MYH11: variants seen among roughly 807,000 people sequenced by gnomAD.
MYH11 encodes the protein myosin heavy chain 11.
A neutral mutation model predicts 246.6 loss-of-function variants in MYH11; 80 were observed. The ratio of observed to expected loss-of-function variants is 0.32; its 90% CI spans 0.27 to 0.39. MYH11 has a LOEUF of 0.39. Ranked by LOEUF, MYH11 falls within the 10% of genes least tolerant of loss-of-function variation. The pLI, the probability that MYH11 is intolerant of heterozygous loss-of-function variation, is 1.00. For synonymous variants in MYH11, 1,071 were observed against 1,015.5 expected (o/e 1.05, Z -1.04); for missense variants, 2,158 against 2,546.8 (o/e 0.85, Z 3.29).
intron 12 of MYH11, among the ~76,000 whole-genome samples, chr16:15,758,361 G>A (rs569559818): frequency 9.9e-5 from 15 of 152,152 alleles, no homozygotes; most frequent in African/African-American, 3.1e-4. Flanking sequence ...CACTTCTTTC[G>A]GGACATCTAT....
intron 14 of MYH11, among the ~76,000 whole-genome samples, chr16:15,755,932 A>G (rs1425302242): frequency 1.3e-5 from 2 of 152,126 alleles, no homozygotes; most frequent in Non-Finnish European, 2.9e-5. Flanking sequence ...ATTCCATCTC[A>G]AAAAGGAAAA....
intron 3 of MYH11, among the ~76,000 whole-genome samples, chr16:15,814,877 G>T (rs889330518): frequency 1.3e-5 from 2 of 152,164 alleles, no homozygotes; most frequent in South Asian, 2.1e-4. Flanking sequence ...TCTCCGTCCT[G>T]GGGGGACACC....
At chr16:15,763,742 C>CGCG in intron 10 of MYH11, 54 bp downstream of exon 10, 2 of 627,780 alleles carry the variant, frequency 3.2e-6, no homozygotes, top group East Asian at 3.3e-5. Context: ...AATGTCACCT[C>CGCG]CCCCACCCCC....
intron 38 of MYH11, among the ~76,000 whole-genome samples, chr16:15,716,835 AGCATGCT>A (rs1260512011): frequency 1.3e-5 from 2 of 152,198 alleles, no homozygotes; most frequent in Admixed American, 1.3e-4. Flanking sequence ...TTGATCTGTC[AGCATGCT>A]ATCCCTGCAG....
At chr16:15,776,416 T>C (rs989690965) in intron 7 of MYH11, among the ~76,000 whole-genome samples, 7 of 152,016 alleles carry the variant, frequency 4.6e-5, no homozygotes, top group Admixed American at 1.3e-4. Context: ...ATAAAAAGGC[T>C]CCAGGAAGAA....
intron 27 of MYH11, among the ~76,000 whole-genome samples, chr16:15,729,615 A>G (rs2040901320): frequency 6.6e-6 from 1 of 151,500 alleles, no homozygotes; most frequent in African/African-American, 2.4e-5. Context: ...CAGTGGCACA[A>G]TCTTGGCTCA....
At chr16:15,734,101 AGTTTGTTATT>A (rs2151238550) in intron 26 of MYH11, among the ~76,000 whole-genome samples, 1 of 152,382 alleles carries the variant, frequency 6.6e-6, no homozygotes, top group Admixed American at 6.5e-5. Context: ...TCTGGCAGGC[AGTTTGTTATT>A]GTTTGTTCAT....
chr16:15,754,232 ATAAAT>A (rs957166309), intron 14 of MYH11, among the ~76,000 whole-genome samples: 1 of 152,080 alleles, frequency 6.6e-6, no homozygotes, highest in Non-Finnish European at 1.5e-5. Context: ...AATTAAATAA[ATAAAT>A]TAATTAAGCA....
At position 15,823,297 on chromosome 16, in the gene MYH11, T is replaced by C; in HGVS notation, c.460A>G (p.Ile154Val). 1 of 1,614,154 alleles carries C rather than the reference T, an allele frequency of 6.2e-7. No homozygotes were observed. The highest frequency in any genetic ancestry group is 8.5e-7 in the Non-Finnish European group (1 of 1,180,030). Residue 154 changes from isoleucine (I) to valine (V), a missense_variant, in exon 3 of 41, where the codon ATC (isoleucine) becomes GTC (valine). Around this residue, in one of 11 missense-constraint regions of MYH11, gnomAD observed 123 missense variants for 207.1 expected, o/e 0.59. Coordinates refer to ENST00000300036, the MANE Select transcript of MYH11 (RefSeq NM_002474.3). ...TAGGCCGTGTCTGCGATGGCGTAGA[T>C]GTGAGGCGGCATCTCGTGCCTCTTC... ...GKKRHEMPPH[I>V]YAIADTAYRS...
At chr16:15,726,565 A>G (rs756077933) in intron 28 of MYH11, 49 of 516,894 alleles carry the variant, frequency 9.5e-5, no homozygotes, top group Non-Finnish European at 1.5e-4. Flanking sequence ...GAGACTTTTC[A>G]CCATGTTGGC....
At chr16:15,821,142 G>A (rs12931560) in intron 3 of MYH11, among the ~76,000 whole-genome samples, 13,067 of 152,246 alleles carry the variant, frequency 0.086, 657 homozygotes, top group Middle Eastern at 0.12. Context: ...AAAGTGCCAG[G>A]ATTACAGGCG....
At chr16:15,834,917 T>TG (rs1395886646) in intron 2 of MYH11, among the ~76,000 whole-genome samples, 30 of 150,422 alleles carry the variant, frequency 2.0e-4, no homozygotes, top group African/African-American at 6.6e-4. Flanking sequence ...AGAAGTTTTT[T>TG]TTTTTTTTTT....
At chr16:15,824,088 T>C (rs2043493570) in intron 2 of MYH11, among the ~76,000 whole-genome samples, 1 of 151,286 alleles carries the variant, frequency 6.6e-6, no homozygotes, top group South Asian at 2.1e-4. Flanking sequence ...GGATCTTTTT[T>C]GGATGCTGAC....
chr16:15,778,228 C>A (rs1567753510), intron 7 of MYH11, among the ~76,000 whole-genome samples: 1 of 152,192 alleles, frequency 6.6e-6, no homozygotes, highest in Non-Finnish European at 1.5e-5. Flanking sequence ...TACCAGCATT[C>A]TTCTGGGTAA....
chr16:15,833,159 C>A (rs1198356996), intron 2 of MYH11, among the ~76,000 whole-genome samples: 1 of 151,214 alleles, frequency 6.6e-6, no homozygotes, highest in Admixed American at 6.6e-5. Flanking sequence ...ATTAGCTGGG[C>A]ATCGTGCTAC....
intron 1 of MYH11, among the ~76,000 whole-genome samples, chr16:15,851,058 A>G (rs2044317129): frequency 6.6e-6 from 1 of 152,160 alleles, no homozygotes; most frequent in African/African-American, 2.4e-5. Context: ...GTGAGATCCC[A>G]TCTCTATTTC....
Position 15,781,282 on chromosome 16 carries a change from G to A in MYH11, c.726+1103C>T, listed in dbSNP as rs146318170. On this transcript the variant is annotated intron_variant, in intron 6 of 40. Transcript: ENST00000300036. The stretch of plus-strand genomic sequence containing the variant: ...TCCAGTTAGGGCATTATGCTGATGT[G>A]TATTCATCTAATACGTGTAGGAGGT... 6.3e-3 allele frequency among the ~76,000 whole-genome samples: 962 copies of A among 152,282 alleles called. 4 individuals are homozygous for A. The highest frequency in any genetic ancestry group is 0.02 in the Middle Eastern group (6 of 294).
chr16:15,717,726 G>C lies in MYH11; in HGVS notation c.5296-378C>G, dbSNP rs1006190889. 2.4e-5 allele frequency: 8 copies of C among 326,792 alleles called. No homozygotes were observed. The East Asian group carries it at 5.9e-4, about 24-fold the overall frequency. The allele number at this position is 326,792 out of a possible 1,614,324, so 20.2% of individuals were successfully genotyped here. ...CAGGAGAATCCCTTGAACTTGGGAG[G>C]CAGAGGTTGCAGTGAGCCAAGATTG... On this transcript the variant is annotated intron_variant, in intron 37 of 40. Coordinates refer to ENST00000300036, the MANE Select transcript of MYH11 (RefSeq NM_002474.3).
At chr16:15,763,527 A>C (rs2041913387) in intron 10 of MYH11, among the ~76,000 whole-genome samples, 1 of 152,088 alleles carries the variant, frequency 6.6e-6, no homozygotes, top group African/African-American at 2.4e-5. Flanking sequence ...GTCTCTATTA[A>C]AACTTGTAAA....
Sources: gnomAD v4.1 joint callset for allele counts (sites outside exome capture counted in the v4.1 genomes callset) on GRCh38, gnomAD v4.1.1 for gene constraint, gnomAD v4.1.1 regional missense constraint, MANE v1.5 for transcripts, NCBI Gene and HGNC (gene_info 2026-07-23, HGNC 2026-07-21) for gene names.